Variants in ACOT12 observed in about 807,000 individuals in gnomAD.
The protein encoded by ACOT12 is acetyl-coenzyme A thioesterase.
In ACOT12, 51 loss-of-function variants were observed where a neutral mutation model predicts 67.7. The observed-to-expected ratio is 0.75, with a 90% confidence interval of 0.60 to 0.95. The LOEUF (loss-of-function observed/expected upper bound fraction) is 0.95. Among genes scored for constraint, ACOT12 ranks in the 40% least tolerant of loss-of-function variants. The pLI is 0.00. For synonymous variants in ACOT12, 251 were observed against 244.6 expected (o/e 1.03, Z -0.24); for missense variants, 734 against 708.1 (o/e 1.04, Z -0.41).
chr5:81,341,764 T>A (rs972760200), intron 11 of ACOT12, among the ~76,000 whole-genome samples: 3 of 152,112 alleles, frequency 2.0e-5, no homozygotes, highest in Non-Finnish European at 1.5e-5. Flanking sequence ...ATGATCCAAA[T>A]GATGTATGTC....
intron 1 of ACOT12, 60 bp downstream of exon 1, chr5:81,393,927 AG>A (rs1561357394): frequency 7.9e-7 from 1 of 1,262,908 alleles, no homozygotes; most frequent in East Asian, 3.3e-5. Context: ...CCCAGCCCCC[AG>A]CCGCCGCCGC....
intron 5 of ACOT12, among the ~76,000 whole-genome samples, chr5:81,354,742 G>T (rs1759657640): frequency 6.7e-6 from 1 of 150,370 alleles, no homozygotes; most frequent in African/African-American, 2.5e-5. Flanking sequence ...CTGGCTCTGT[G>T]GCCTAGGCTG....
At chr5:81,349,586 C>G (rs2153850812) in intron 5 of ACOT12, among the ~76,000 whole-genome samples, 1 of 152,284 alleles carries the variant, frequency 6.6e-6, no homozygotes, top group South Asian at 2.1e-4. Flanking sequence ...ACCTCCACAG[C>G]TCAGCCCCAC....
chr5:81,368,341 C>G (rs760833042), intron 3 of ACOT12, among the ~76,000 whole-genome samples: 23 of 152,060 alleles, frequency 1.5e-4, no homozygotes, highest in Admixed American at 5.2e-4. Flanking sequence ...CACTGTGAAC[C>G]AAGTTAGGCT....
At chr5:81,387,354 G>C (rs1163511897) in intron 1 of ACOT12, among the ~76,000 whole-genome samples, 2 of 152,032 alleles carry the variant, frequency 1.3e-5, no homozygotes, top group Non-Finnish European at 2.9e-5. Flanking sequence ...TACCCTTTTA[G>C]AGCTTAAGTT....
intron 4 of ACOT12, among the ~76,000 whole-genome samples, chr5:81,360,935 G>A (rs1759885571): frequency 1.3e-5 from 2 of 151,526 alleles, no homozygotes; most frequent in Non-Finnish European, 2.9e-5. Context: ...AAAAGTAACC[G>A]GGTATGGTGG....
At chr5:81,343,923 C>A (rs1182858143) in intron 9 of ACOT12, 42 bp from the exon 10 acceptor site, 2 of 1,542,210 alleles carry the variant, frequency 1.3e-6, no homozygotes, top group Admixed American at 1.7e-5. Context: ...GTTTTTTTCT[C>A]TGCATTTAGC....
chr5:81,353,864 C>T (rs1759627887), intron 5 of ACOT12, among the ~76,000 whole-genome samples: 1 of 152,164 alleles, frequency 6.6e-6, no homozygotes, highest in East Asian at 1.9e-4. Context: ...ACACAAACCC[C>T]TGGTTTTCTA....
intron 2 of ACOT12, among the ~76,000 whole-genome samples, chr5:81,383,055 C>G (rs1246801455): frequency 6.6e-6 from 1 of 152,120 alleles, no homozygotes; most frequent in African/African-American, 2.4e-5. Flanking sequence ...AGTCTATGAT[C>G]ATTAGATATC....
At chr5:81,335,406 C>T (rs759309308) in intron 12 of ACOT12, among the ~76,000 whole-genome samples, 4 of 152,080 alleles carry the variant, frequency 2.6e-5, no homozygotes, top group Non-Finnish European at 4.4e-5. Context: ...CCTGTGTCAC[C>T]CAGGCTAGAG....
At chr5:81,370,374 T>C (rs1760212496) in intron 3 of ACOT12, among the ~76,000 whole-genome samples, 1 of 152,238 alleles carries the variant, frequency 6.6e-6, no homozygotes, top group Non-Finnish European at 1.5e-5. Context: ...AACTGAACTG[T>C]GTTCCCCCTT....
intron 5 of ACOT12, among the ~76,000 whole-genome samples, chr5:81,358,666 A>G (rs369427594): frequency 2.0e-4 from 31 of 152,256 alleles, no homozygotes; most frequent in African/African-American, 6.5e-4. Context: ...CCTGGCCAAC[A>G]TGGTGAAACC....
intron 8 of ACOT12, 71 bp downstream of exon 8, chr5:81,344,820 T>C: frequency 1.3e-6 from 2 of 1,561,046 alleles, no homozygotes; most frequent in South Asian, 2.3e-5. Context: ...TTGTTGCCGG[T>C]GGGAGGAGAT....
chr5:81,351,081 T>C lies in ACOT12; in HGVS notation c.497-3151A>G, dbSNP rs761069091. Among the ~76,000 whole-genome samples, 8 of 152,364 alleles carry C rather than the reference T, an allele frequency of 5.3e-5. No individual in the cohort carries two copies. In the East Asian group the frequency reaches 7.7e-4, roughly 15 times the overall value. ...ATGTGTTTGCAAAGATGTTTGTAAA[T>C]ATTTTTCCAGAAATTTTTGGTTTTA... On this transcript the variant is annotated intron_variant, in intron 5 of 14. Coordinates refer to ENST00000307624, the MANE Select transcript of ACOT12 (RefSeq NM_130767.3).
chr5:81,363,648 T>C (rs1759985504), intron 4 of ACOT12, 140 bp downstream of exon 4: 4 of 550,602 alleles, frequency 7.3e-6, no homozygotes, highest in Non-Finnish European at 1.2e-5. Flanking sequence ...ACTTTTGCAA[T>C]AAATATTGGT....
At chr5:81,369,461 A>G (rs1760180537) in intron 3 of ACOT12, among the ~76,000 whole-genome samples, 1 of 152,230 alleles carries the variant, frequency 6.6e-6, no homozygotes, top group African/African-American at 2.4e-5. Context: ...AAAAGTAAAA[A>G]TAAAAATGTT....
the ACOT12 span, chr5:81,311,412 A>C: frequency 1.1e-6 from 1 of 936,112 alleles, no homozygotes; most frequent in Non-Finnish European, 1.7e-6. Context: ...TGTAGCAATG[A>C]CTTAATCTCT....
chr5:81,340,782 G>C (rs1759170724), intron 11 of ACOT12, among the ~76,000 whole-genome samples: 1 of 152,212 alleles, frequency 6.6e-6, no homozygotes, highest in African/African-American at 2.4e-5. Flanking sequence ...TGGGAGAGAA[G>C]AGGAGGAAAA....
At chr5:81,334,743 T>C (rs1758942998) in intron 12 of ACOT12, among the ~76,000 whole-genome samples, 2 of 152,220 alleles carry the variant, frequency 1.3e-5, no homozygotes, top group African/African-American at 4.8e-5. Context: ...AGGTGGGCCA[T>C]GAAGCCCTGC....
Sources: gnomAD v4.1 joint callset for allele counts (sites outside exome capture counted in the v4.1 genomes callset) on GRCh38, gnomAD v4.1.1 for gene constraint, MANE v1.5 for transcripts, NCBI Gene and HGNC (gene_info 2026-07-23, HGNC 2026-07-21) for gene names.